Variants in CDH7 observed in about 807,000 individuals in gnomAD.
CDH7 encodes the protein cadherin-7.
In CDH7, 25 loss-of-function variants were observed where a neutral mutation model predicts 71.8. The observed-to-expected ratio is 0.35, with a 90% CI of 0.25 to 0.49. The LOEUF is 0.49. CDH7 is among the 20% of genes least tolerant of loss of function. The pLI, the probability that CDH7 is intolerant of heterozygous loss-of-function variation, is 0.99. For missense variants in CDH7, 862 were observed against 974.6 expected (o/e 0.88, Z 1.54); for synonymous variants, 381 against 363.8 (o/e 1.05, Z -0.54).
chr18:65,883,907 G>T lies in CDH7; in HGVS notation c.*3013G>T, dbSNP rs980858236. ...TGGAGCTACTTGTAGACAGGGAGAG[G>T]AGTCACTTCTTTATGGAAAACAATG... On this transcript the variant is annotated 3_prime_UTR_variant, in exon 12 of 12. Transcript: ENST00000397968. 2 of 152,056 alleles carry T rather than the reference G, an allele frequency of 1.3e-5. No homozygotes were observed. Among genetic ancestry groups the T allele is most frequent in the Non-Finnish European group, 1.5e-5 (1 of 67,972 alleles). 9.4% of individuals were successfully genotyped at this position (152,056 alleles called of 1,614,324 possible).
At chr18:65,769,178 A>G (rs1916471063) in intron 2 of CDH7, among the ~76,000 whole-genome samples, 1 of 152,174 alleles carries the variant, frequency 6.6e-6, no homozygotes, top group Non-Finnish European at 1.5e-5. Context: ...CACCTGGTGC[A>G]CCTCTGTGAT....
chr18:65,803,447 A>G (rs1295857871), intron 2 of CDH7: 1 of 152,152 alleles, frequency 6.6e-6, no homozygotes, highest in Non-Finnish European at 1.5e-5. Flanking sequence ...TCTTGTTTGT[A>G]AAACAATTAA....
In CDH7 at chr18:65,883,800, A is replaced by G. The variant is rs1914298069; in HGVS notation, c.*2906A>G. 2 of 152,302 alleles carry G rather than the reference A, an allele frequency of 1.3e-5. No individual in the cohort carries two copies. The highest frequency in any genetic ancestry group is 3.9e-4 in the East Asian group (2 of 5,188). The allele number at this position is 152,302 out of a possible 1,614,324, so 9.4% of individuals were successfully genotyped here. A position where few individuals can be genotyped will look rare whatever the true frequency, so the allele number is the denominator to read the frequency against. On this transcript the variant is annotated 3_prime_UTR_variant, in exon 12 of 12. Transcript: ENST00000397968. ...ATAGTATGAATTTATATGATTTAAA[A>G]TAATGACATGAAAGGAATTTATGCT... is the stretch of plus-strand genomic sequence containing the variant.
At position 65,843,803 on chromosome 18, in the gene CDH7, T is replaced by C. The variant is rs371861916; in HGVS notation, c.982-9T>C. On this transcript the variant is annotated splice_polypyrimidine_tract_variant and intron_variant, in intron 6 of 11. Transcript: ENST00000397968. Reference sequence around the variant, plus strand: ...GGTAATTTAATTTTCCTAACGACTTTCTTTACAGGAGCTGGATTTTGAAGC... The same window carrying C: ...GGTAATTTAATTTTCCTAACGACTTCCTTTACAGGAGCTGGATTTTGAAGC... 2.4e-5 allele frequency: 35 copies of C among 1,484,452 alleles called. No individual in the cohort carries two copies. The highest frequency in any genetic ancestry group is 1.9e-4 in the Middle Eastern group (1 of 5,370). 92.0% of individuals were successfully genotyped at this position (1,484,452 alleles called of 1,614,324 possible).
intron 11 of CDH7, among the ~76,000 whole-genome samples, chr18:65,870,005 A>G (rs1913881555): frequency 1.3e-5 from 2 of 152,290 alleles, no homozygotes; most frequent in Non-Finnish European, 2.9e-5. Flanking sequence ...AGAAAAATTG[A>G]TGTGTCACAG....
intron 6 of CDH7, among the ~76,000 whole-genome samples, chr18:65,830,252 A>T (rs974844426): frequency 3.3e-5 from 5 of 152,202 alleles, no homozygotes; most frequent in African/African-American, 1.2e-4. Context: ...GCTGTTGGTA[A>T]ATAGGAATAT....
intron 11 of CDH7, chr18:65,863,351 G>C: frequency 5.7e-6 from 1 of 176,730 alleles, no homozygotes; most frequent in Non-Finnish European, 1.2e-5. Context: ...ATGGTGTTTT[G>C]CTCACTAAGT....
intron 2 of CDH7, among the ~76,000 whole-genome samples, chr18:65,781,391 T>G (rs2143829661): frequency 6.6e-6 from 1 of 152,318 alleles, no homozygotes; most frequent in Middle Eastern, 3.4e-3. Flanking sequence ...ACATTCAAAT[T>G]TTATGTTTTA....
intron 4 of CDH7, 107 bp downstream of exon 4, chr18:65,814,711 G>T: frequency 1.1e-6 from 1 of 903,466 alleles, no homozygotes; most frequent in East Asian, 2.7e-5. Flanking sequence ...ATTTTATTAT[G>T]CTTCTCTCAA....
chr18:65,869,404 C>A (rs891507828), intron 11 of CDH7, among the ~76,000 whole-genome samples: 1 of 152,086 alleles, frequency 6.6e-6, no homozygotes, highest in African/African-American at 2.4e-5. Context: ...CAGTACCAGA[C>A]AGCTCTCATC....
At chr18:65,827,335 G>C (rs1912169292) in intron 6 of CDH7, among the ~76,000 whole-genome samples, 1 of 151,792 alleles carries the variant, frequency 6.6e-6, no homozygotes, top group African/African-American at 2.4e-5. Flanking sequence ...ATCAATGGTG[G>C]TGAAAAATTT....
intron 2 of CDH7, among the ~76,000 whole-genome samples, chr18:65,796,817 C>T (rs1028939230): frequency 1.3e-5 from 2 of 152,084 alleles, no homozygotes; most frequent in East Asian, 3.9e-4. Context: ...TTTGATTCAT[C>T]TTGAATCCCA....
At position 65,844,075 on chromosome 18, in the gene CDH7, C is replaced by A. The variant is rs1568215705; in HGVS notation, c.1235+10C>A. ...CCAATAGCCCTGTGAGGTAAAAACT[C>A]ATTGTTGTCCTTTTCTATGGTTTTA... On this transcript the variant is annotated intron_variant, in intron 7 of 11. Transcript: ENST00000397968. 1 of 1,609,172 alleles carries A rather than the reference C, an allele frequency of 6.2e-7. No homozygotes were observed.
rs1031861176 is a variant in CDH7, at chr18:65,887,647, C to A, written c.*6753C>A. The A allele has an allele frequency of 6.6e-6, 1 of 152,038 alleles. No homozygotes were observed. The highest frequency in any genetic ancestry group is 1.5e-5 in the Non-Finnish European group (1 of 68,012). The allele number at this position is 152,038 out of a possible 1,614,324, so 9.4% of individuals were successfully genotyped here. The stretch of plus-strand genomic sequence containing the variant: ...ACACATACATACACGTGTGCAGGAA[C>A]ACACACAATTTGAGGCGAAATGTTG... On this transcript the variant is annotated 3_prime_UTR_variant, in exon 12 of 12. Transcript: ENST00000397968.
chr18:65,819,883 GC>G (rs1911856464), intron 4 of CDH7, among the ~76,000 whole-genome samples: 1 of 150,866 alleles, frequency 6.6e-6, no homozygotes, highest in Non-Finnish European at 1.5e-5. Flanking sequence ...GGTTGTCTAG[GC>G]TCCTGAGGGT....
intron 2 of CDH7, among the ~76,000 whole-genome samples, chr18:65,781,798 C>CTTTCTTTCTAT (rs1910217706): frequency 1.3e-5 from 1 of 74,946 alleles, no homozygotes; most frequent in African/African-American, 8.7e-5. Flanking sequence ...TTCCTTCCTT[C>CTTTCTTTCTAT]CTTCCTTCCT....
At chr18:65,847,156 CA>C (rs968761440) in intron 7 of CDH7, among the ~76,000 whole-genome samples, 9 of 152,134 alleles carry the variant, frequency 5.9e-5, no homozygotes, top group African/African-American at 1.7e-4. Context: ...CATAATAAAA[CA>C]TATGTTAATG....
intron 2 of CDH7, among the ~76,000 whole-genome samples, chr18:65,783,554 A>G (rs1253623118): frequency 1.3e-5 from 2 of 152,186 alleles, no homozygotes; most frequent in Non-Finnish European, 2.9e-5. Context: ...TTAGTCAGGT[A>G]TTTGCACTAA....
At chr18:65,840,131 G>A (rs1316776443) in intron 6 of CDH7, among the ~76,000 whole-genome samples, 1 of 152,128 alleles carries the variant, frequency 6.6e-6, no homozygotes, top group Admixed American at 6.5e-5. Context: ...TCACAAAAAT[G>A]TTTGCAGACC....
Sources: allele counts gnomAD v4.1 joint callset (sites outside exome capture counted in the v4.1 genomes callset), GRCh38; gene constraint gnomAD v4.1.1; transcripts MANE v1.5; gene names NCBI Gene and HGNC (gene_info 2026-07-23, HGNC 2026-07-21).